The following KREMEN1 variants were observed in gnomAD, a reference collection of about 807,000 sequenced individuals.
KREMEN1 encodes kringle containing transmembrane protein 1.
In KREMEN1, 30 loss-of-function variants were observed where a neutral mutation model predicts 46.5. The ratio of observed to expected loss-of-function variants is 0.65; its 90% CI spans 0.48 to 0.88. The LOEUF (loss-of-function observed/expected upper bound fraction) is 0.88, where lower values mean the gene tolerates loss of function less well. Ranked by LOEUF, KREMEN1 falls within the 40% of genes least tolerant of loss-of-function variation. KREMEN1 has a pLI of 0.00. For missense variants in KREMEN1, 533 were observed against 596.9 expected (o/e 0.89, Z 1.11); for synonymous variants, 214 against 230.6 (o/e 0.93, Z 0.65).
downstream of KREMEN1, among the ~76,000 whole-genome samples, chr22:29,150,840 G>A (rs970498978): frequency 5.9e-5 from 9 of 152,156 alleles, no homozygotes; most frequent in South Asian, 4.1e-4. Context: ...AGACATTACC[G>A]AATTCATCTT....
chr22:29,160,043 C>T (rs959088094), intron 9 of KREMEN1, among the ~76,000 whole-genome samples: 1 of 152,042 alleles, frequency 6.6e-6, no homozygotes, highest in African/African-American at 2.4e-5. Context: ...AGCACTTGAC[C>T]AATTGGACCT....
chr22:29,106,815 T>A (rs1016272134), intron 3 of KREMEN1, among the ~76,000 whole-genome samples: 4 of 152,242 alleles, frequency 2.6e-5, no homozygotes, highest in Non-Finnish European at 4.4e-5. Flanking sequence ...TCTGATAGTA[T>A]GGTGAATTAT....
Position 29,089,173 on chromosome 22 carries a change from A to C in KREMEN1, c.98-5085A>C, listed in dbSNP as rs938727885. ...AGCCTTTTTCCTCAACTCCAGACTCATGTAGCCATTTGCGTACTCTACATC... is the reference window on the plus strand; with the variant it reads ...AGCCTTTTTCCTCAACTCCAGACTCCTGTAGCCATTTGCGTACTCTACATC... On this transcript the variant is annotated intron_variant, in intron 1 of 8. Transcript: ENST00000400335. 3.3e-5 allele frequency among the ~76,000 whole-genome samples: 5 copies of C among 152,164 alleles called. No individual in the cohort carries two copies. The East Asian group carries it at 9.6e-4, about 29-fold the overall frequency.
chr22:29,078,133 C>T (rs1005900038), intron 1 of KREMEN1, among the ~76,000 whole-genome samples: 1 of 152,046 alleles, frequency 6.6e-6, no homozygotes, highest in Non-Finnish European at 1.5e-5. Flanking sequence ...AGACAGATGT[C>T]GTGTAGTCCT....
chr22:29,091,986 T>C (rs1256713646), intron 1 of KREMEN1, among the ~76,000 whole-genome samples: 1 of 152,042 alleles, frequency 6.6e-6, no homozygotes, highest in Non-Finnish European at 1.5e-5. Context: ...CTCTGCTTCA[T>C]GGGAGGAAGG....
Position 29,140,355 on chromosome 22 carries a change from C to T in KREMEN1, c.1197C>T (p.His399=), listed in dbSNP as rs9625721. ...CCATTGTAGCAAAGATACTTCTGCA[C>T]GTCACATTCAAGTGAGTACAAGAGG... The part of the protein sequence containing the change: ...VTAIVAKILL[H]VTFKSHRVPA... The change falls in exon 8 of 9, where the codon CAC becomes CAT. Residue 399 remains histidine, a synonymous_variant. Transcript: ENST00000400335. The T allele has an allele frequency of 4.7e-3, 7,564 of 1,612,990 alleles. 288 individuals carry two copies. The African/African-American group carries it at 0.087, about 19-fold the overall frequency.
chr22:29,095,429 T>C (rs2037869423), intron 2 of KREMEN1, among the ~76,000 whole-genome samples: 1 of 152,192 alleles, frequency 6.6e-6, no homozygotes, highest in African/African-American at 2.4e-5. Flanking sequence ...GAACAAAGAC[T>C]GTAAGCACTT....
At position 29,145,881 on chromosome 22, in the gene KREMEN1, C is replaced by T. The variant is rs45526938; in HGVS notation, c.*3769C>T. The T allele has an allele frequency of 7.2e-3, 7,137 of 985,748 alleles. 27 individuals carry two copies. Among genetic ancestry groups the T allele is most frequent in the Middle Eastern group, 0.015 (29 of 1,912 alleles). 61.1% of individuals were successfully genotyped at this position (985,748 alleles called of 1,614,324 possible). On this transcript the variant is annotated 3_prime_UTR_variant, in exon 9 of 9. Transcript: ENST00000400335. ...CTGGCCCTCGGGTAGAACCCACGGG[C>T]GTGCCTGGGTGCGGCTCCACCCACA...
At position 29,086,762 on chromosome 22, in the gene KREMEN1, A is replaced by C. The variant is rs141237027; in HGVS notation, c.98-7496A>C. Among the ~76,000 whole-genome samples, 117 of 152,076 alleles carry C rather than the reference A, an allele frequency of 7.7e-4. No homozygotes were observed. In the East Asian group the frequency reaches 0.012, roughly 16 times the overall value. ...GGCACTGTCATGTTGCCCTCTCTCT[A>C]TATATATCTTTTTTGAGATAGGGTC... On this transcript the variant is annotated intron_variant, in intron 1 of 8. Coordinates refer to ENST00000400335, the MANE Select transcript of KREMEN1 (RefSeq NM_001039570.3).
chr22:29,131,172 G>A (rs1359613101), intron 5 of KREMEN1, among the ~76,000 whole-genome samples: 2 of 151,940 alleles, frequency 1.3e-5, no homozygotes, highest in African/African-American at 4.8e-5. Flanking sequence ...ATGACCCCAC[G>A]AGAGAGAAAC....
intron 1 of KREMEN1, among the ~76,000 whole-genome samples, chr22:29,085,672 A>G (rs983240412): frequency 6.6e-6 from 1 of 152,078 alleles, no homozygotes; most frequent in African/African-American, 2.4e-5. Flanking sequence ...GTTTCTTTTA[A>G]GCAAGAAGAA....
chr22:29,094,282 A>T lies in KREMEN1; in HGVS notation c.122A>T (p.Asp41Val). 1 of 1,612,178 alleles carries T rather than the reference A, an allele frequency of 6.2e-7. No homozygotes were observed. Among genetic ancestry groups the T allele is most frequent in the Non-Finnish European group, 8.5e-7 (1 of 1,179,398 alleles). The change falls in exon 2 of 9, where the codon GAT becomes GTT. Residue 41 changes from aspartate (D) to valine (V), a missense_variant. Physicochemically the swap from Asp to Val is radical, Grantham distance 152. Transcript: ENST00000400335. ...GAGTGTTTCACAGCCAATGGTGCGG[A>T]TTATAGGGGAACACAGAACTGGACA... ...GPECFTANGA[D>V]YRGTQNWTAL...
chr22:29,091,224 C>T (rs993426452), intron 1 of KREMEN1, among the ~76,000 whole-genome samples: 3 of 152,182 alleles, frequency 2.0e-5, no homozygotes, highest in Non-Finnish European at 2.9e-5. Flanking sequence ...CCGCTCGCCT[C>T]GGCCTCCCAA....
chr22:29,139,878 TGGTTCTCATA>T (rs2038733998), intron 7 of KREMEN1, among the ~76,000 whole-genome samples: 1 of 152,190 alleles, frequency 6.6e-6, no homozygotes, highest in African/African-American at 2.4e-5. Flanking sequence ...CATTAGGCTG[TGGTTCTCATA>T]GGTAGCATCT....
chr22:29,128,876 CT>C (rs2038487820), intron 5 of KREMEN1, among the ~76,000 whole-genome samples: 1 of 152,204 alleles, frequency 6.6e-6, no homozygotes, highest in Non-Finnish European at 1.5e-5. Flanking sequence ...GCTAGAATCC[CT>C]TTTATTAACA....
At position 29,091,164 on chromosome 22, in the gene KREMEN1, C is replaced by T. The variant is rs139408267; in HGVS notation, c.98-3094C>T. Among the ~76,000 whole-genome samples, 1,516 of 152,160 alleles carry T rather than the reference C, an allele frequency of 1.0e-2. 17 individuals carry two copies. Among genetic ancestry groups the T allele is most frequent in the African/African-American group, 0.03 (1,253 of 41,510 alleles). On this transcript the variant is annotated intron_variant, in intron 1 of 8. Coordinates refer to ENST00000400335, the MANE Select transcript of KREMEN1 (RefSeq NM_001039570.3). ...AATTTTGTATTTTTAGTAGAGACGG[C>T]GTTTCTCCATGTTGGCCAGGCTGGT...
At chr22:29,093,742 T>C (rs1375213189) in intron 1 of KREMEN1, among the ~76,000 whole-genome samples, 2 of 152,232 alleles carry the variant, frequency 1.3e-5, no homozygotes, top group East Asian at 3.8e-4. Context: ...ATTTGTGTGA[T>C]TGGGATTCCA....
intron 1 of KREMEN1, among the ~76,000 whole-genome samples, chr22:29,075,103 A>G (rs1373694276): frequency 6.6e-6 from 1 of 152,068 alleles, no homozygotes; most frequent in Non-Finnish European, 1.5e-5. Context: ...GTGGTTTCTG[A>G]GTGATCACCG....
At chr22:29,092,676 T>A (rs1338082597) in intron 1 of KREMEN1, among the ~76,000 whole-genome samples, 1 of 152,160 alleles carries the variant, frequency 6.6e-6, no homozygotes, top group East Asian at 1.9e-4. Context: ...GCACCAAACA[T>A]GATAAATTGT....
Sources: gnomAD v4.1 joint callset for allele counts (sites outside exome capture counted in the v4.1 genomes callset) on GRCh38, gnomAD v4.1.1 for gene constraint, MANE v1.5 for transcripts, NCBI Gene and HGNC (gene_info 2026-07-23, HGNC 2026-07-21) for gene names.